Variants in KCNJ3 observed in about 807,000 individuals in gnomAD.
KCNJ3 encodes the protein potassium inwardly rectifying channel subfamily J member 3.
A neutral mutation model predicts 39.2 loss-of-function variants in KCNJ3; 4 were observed. The ratio of observed to expected loss-of-function variants is 0.10; its 90% CI spans 0.05 to 0.23. The LOEUF is 0.23. Ranked by LOEUF, KCNJ3 falls within the 10% of genes least tolerant of loss-of-function variation. The pLI is 1.00. For missense variants in KCNJ3, 276 were observed against 634.9 expected, an observed-to-expected ratio of 0.43 and a Z score of 6.08; for synonymous variants, 230 against 237.4, an observed-to-expected ratio of 0.97 and a Z score of 0.29.
intron 2 of KCNJ3, among the ~76,000 whole-genome samples, chr2:154,794,831 A>T (rs1489247665): frequency 6.6e-6 from 1 of 152,050 alleles, no homozygotes; most frequent in Non-Finnish European, 1.5e-5. Context: ...TGCTGAGGCC[A>T]TAGTAGGTAT....
chr2:154,806,577 G>A (rs1202960744), intron 2 of KCNJ3, among the ~76,000 whole-genome samples: 1 of 152,118 alleles, frequency 6.6e-6, no homozygotes, highest in African/African-American at 2.4e-5. Context: ...TTGAAGTCTG[G>A]CGTATTCAGC....
intron 1 of KCNJ3, among the ~76,000 whole-genome samples, chr2:154,704,736 C>T (rs1468974683): frequency 6.6e-6 from 1 of 152,130 alleles, no homozygotes; most frequent in Non-Finnish European, 1.5e-5. Flanking sequence ...GCCCTAACTG[C>T]TTTGGGTCAC....
intron 2 of KCNJ3, among the ~76,000 whole-genome samples, chr2:154,822,906 G>A (rs1323819751): frequency 6.6e-6 from 1 of 151,474 alleles, no homozygotes; most frequent in African/African-American, 2.4e-5. Flanking sequence ...GTTAAATTTG[G>A]CATTGGATAT....
intron 2 of KCNJ3, among the ~76,000 whole-genome samples, chr2:154,837,172 C>T (rs1013501796): frequency 3.3e-5 from 5 of 152,092 alleles, no homozygotes; most frequent in African/African-American, 9.7e-5. Flanking sequence ...ACTAGATATG[C>T]ATCTATCTGT....
At chr2:154,831,834 A>AAAG (rs1297964482) in intron 2 of KCNJ3, among the ~76,000 whole-genome samples, 1 of 152,184 alleles carries the variant, frequency 6.6e-6, no homozygotes, top group Non-Finnish European at 1.5e-5. Context: ...TGTTACTATA[A>AAAG]AAGAATACCC....
intron 2 of KCNJ3, among the ~76,000 whole-genome samples, chr2:154,781,418 C>T (rs1173818829): frequency 2.0e-5 from 3 of 151,988 alleles, no homozygotes; most frequent in African/African-American, 7.3e-5. Context: ...TAGATGAATA[C>T]GAAATTATCC....
intron 2 of KCNJ3, among the ~76,000 whole-genome samples, chr2:154,835,372 A>G (rs1226971027): frequency 6.6e-6 from 1 of 151,056 alleles, no homozygotes; most frequent in African/African-American, 2.4e-5. Flanking sequence ...AAAGTAATAT[A>G]TTTAAGGGTA....
intron 2 of KCNJ3, among the ~76,000 whole-genome samples, chr2:154,751,385 C>T (rs925156077): frequency 3.3e-5 from 5 of 151,772 alleles, no homozygotes; most frequent in African/African-American, 1.2e-4. Context: ...CATTTTTGAA[C>T]CAGGATATTT....
rs1684846089 is a variant in KCNJ3, at chr2:154,699,400, C to A, written c.625C>A (p.Leu209Ile). Residue 209 changes from leucine to isoleucine, a missense_variant, in exon 1 of 3, where the codon CTC (leucine) becomes ATC (isoleucine). Transcript: ENST00000295101. This position sits in a 1 kb window ranked among gnomAD's most constrained non-coding sequence, Gnocchi z 6.4. ...GGTGATCTCCATGAGGGACGGAAAA[C>A]TCACGCTTATGTTCCGGGTGGGCAA... The part of the protein sequence containing the change: ...HAVISMRDGK[L>I]TLMFRVGNLR... 6.2e-7 allele frequency: 1 copy of A among 1,608,276 alleles called. No homozygotes were observed. The highest frequency in any genetic ancestry group is 8.5e-7 in the Non-Finnish European group (1 of 1,179,992).
intron 2 of KCNJ3, among the ~76,000 whole-genome samples, chr2:154,829,283 C>T (rs1687323037): frequency 6.6e-6 from 1 of 152,124 alleles, no homozygotes. Context: ...CTCCTCCCAG[C>T]CGCTACCCTC....
Position 154,856,920 on chromosome 2 carries a change from CTTA to C in KCNJ3, c.*1611_*1613del, listed in dbSNP as rs1687850167. ...GTCTGCCCCAACTTTAAAAAAAATT[CTTA>C]TTAATATGTCAGTCATTAATTGCTA... is the stretch of plus-strand genomic sequence containing the variant. On this transcript the variant is annotated 3_prime_UTR_variant, in exon 3 of 3. Coordinates refer to ENST00000295101, the MANE Select transcript of KCNJ3 (RefSeq NM_002239.4). 1 of 152,092 alleles carries C rather than the reference CTTA, an allele frequency of 6.6e-6. No homozygotes were observed. The highest frequency in any genetic ancestry group is 1.5e-5 in the Non-Finnish European group (1 of 68,004). 9.4% of individuals were successfully genotyped at this position (152,092 alleles called of 1,614,324 possible).
At chr2:154,770,044 A>C (rs1205429764) in intron 2 of KCNJ3, among the ~76,000 whole-genome samples, 2 of 152,196 alleles carry the variant, frequency 1.3e-5, no homozygotes, top group Non-Finnish European at 2.9e-5. Context: ...GTTCTGAAAA[A>C]GTATTTCTAA....
chr2:154,698,705 T>G lies in KCNJ3; in HGVS notation c.-71T>G. 1.9e-6 allele frequency: 1 copy of G among 517,282 alleles called. No homozygotes were observed. Among genetic ancestry groups the G allele is most frequent in the Non-Finnish European group, 3.5e-6 (1 of 287,430 alleles). The allele number at this position is 517,282 out of a possible 1,614,324, so 32.0% of individuals were successfully genotyped here. Reference sequence around the variant, plus strand: ...TCCTCCCCCGCCCCCACCTCCTTATTGGTGCTAGTTTGCAGCGCCCAGCTC... The same window carrying G: ...TCCTCCCCCGCCCCCACCTCCTTATGGGTGCTAGTTTGCAGCGCCCAGCTC... On this transcript the variant is annotated 5_prime_UTR_variant, in exon 1 of 3. In the 5' UTR this introduces an upstream ATG that the reference lacks. Coordinates refer to ENST00000295101, the MANE Select transcript of KCNJ3 (RefSeq NM_002239.4).
chr2:154,714,207 A>C (rs982120969), intron 2 of KCNJ3, among the ~76,000 whole-genome samples: 1 of 151,674 alleles, frequency 6.6e-6, no homozygotes, highest in African/African-American at 2.4e-5. Flanking sequence ...ATTCCCATTG[A>C]CTCCTTTCTA....
intron 2 of KCNJ3, among the ~76,000 whole-genome samples, chr2:154,802,502 A>G (rs1686836692): frequency 6.6e-6 from 1 of 152,166 alleles, no homozygotes; most frequent in African/African-American, 2.4e-5. Context: ...GAGAAAGACT[A>G]AAGGAAATCT....
rs1684851134 is a variant in KCNJ3, at chr2:154,699,610, G to T, written c.702+133G>T. ...CCACAGGTAAACTTCCTTTTGGGGG[G>T]TTGGGGGTTGGAGGACTGGGCAAAG... is the stretch of plus-strand genomic sequence containing the variant. On this transcript the variant is annotated intron_variant, in intron 1 of 2. Transcript: ENST00000295101. This position sits in a 1 kb window ranked among gnomAD's most constrained non-coding sequence, Gnocchi z 6.4. 4.4e-6 allele frequency: 6 copies of T among 1,361,266 alleles called. No individual in the cohort carries two copies. In the South Asian group the frequency reaches 8.9e-5, roughly 20 times the overall value. The allele number at this position is 1,361,266 out of a possible 1,614,324, so 84.3% of individuals were successfully genotyped here.
At chr2:154,853,475 G>A (rs995067457) in intron 2 of KCNJ3, among the ~76,000 whole-genome samples, 3 of 151,970 alleles carry the variant, frequency 2.0e-5, no homozygotes, top group Non-Finnish European at 2.9e-5. Context: ...TATAATGGAT[G>A]GGGGAGAATT....
chr2:154,793,503 G>A (rs1686671723), intron 2 of KCNJ3, among the ~76,000 whole-genome samples: 1 of 151,990 alleles, frequency 6.6e-6, no homozygotes, highest in Non-Finnish European at 1.5e-5. Flanking sequence ...ATGATTTCCA[G>A]GACAATAGTG....
intron 2 of KCNJ3, among the ~76,000 whole-genome samples, chr2:154,718,587 GTT>G (rs957271436): frequency 6.6e-6 from 1 of 152,152 alleles, no homozygotes; most frequent in African/African-American, 2.4e-5. Flanking sequence ...TAATTGAGAA[GTT>G]TACTCTATTG....
Sources: gnomAD v4.1 joint callset for allele counts (sites outside exome capture counted in the v4.1 genomes callset) on GRCh38, gnomAD v4.1.1 for gene constraint, Gnocchi (gnomAD v3.1) non-coding constraint, MANE v1.5 for transcripts, NCBI Gene and HGNC (gene_info 2026-07-23, HGNC 2026-07-21) for gene names.